The following ST8SIA5 variants were observed in gnomAD, a reference collection of about 807,000 sequenced individuals.
ST8SIA5 encodes the protein ST8 alpha-N-acetyl-neuraminide alpha-2,8-sialyltransferase 5, also known as alpha-2,8-sialyltransferase 8E.
A neutral mutation model predicts 40.2 loss-of-function variants in ST8SIA5; 24 were observed. That is an observed-to-expected ratio of 0.60 (90% confidence interval 0.43 to 0.84). The LOEUF is 0.84. Among genes scored for constraint, ST8SIA5 ranks in the 40% least tolerant of loss-of-function variants. ST8SIA5 has a pLI of 0.00. For synonymous variants in ST8SIA5, 198 were observed against 201.8 expected (o/e 0.98, Z 0.16); for missense variants, 465 against 498.5 (o/e 0.93, Z 0.64).
rs2039311698 is a variant in ST8SIA5, at chr18:46,671,981, G to C, written c.*8061C>G. On this transcript the variant is annotated 3_prime_UTR_variant, in exon 7 of 7. Transcript: ENST00000315087. ...AACTTGTTAGAGATGCTCCACCCTG[G>C]CCTCACCAAATAACTCTGGGGCGGG... 6.6e-6 allele frequency: 1 copy of C among 152,210 alleles called. No homozygotes were observed. Among genetic ancestry groups the C allele is most frequent in the Non-Finnish European group, 1.5e-5 (1 of 68,070 alleles). 9.4% of individuals were successfully genotyped at this position (152,210 alleles called of 1,614,324 possible).
At chr18:46,690,593 T>C (rs1182640824) in intron 3 of ST8SIA5, among the ~76,000 whole-genome samples, 3 of 150,758 alleles carry the variant, frequency 2.0e-5, no homozygotes, top group Non-Finnish European at 4.4e-5. Flanking sequence ...TCCTGAGATA[T>C]GTGAGTCCTG....
Position 46,671,693 on chromosome 18 carries a change from C to T in ST8SIA5, c.*8349G>A, listed in dbSNP as rs1599090886. On this transcript the variant is annotated 3_prime_UTR_variant, in exon 7 of 7. Transcript: ENST00000315087. ...TTAATTCAGGCAGACTCTGAGGCTC[C>T]TAGCCCCGGGAGAAGAAATCTATGT... 6.6e-6 allele frequency: 1 copy of T among 152,334 alleles called. No homozygotes were observed. The highest frequency in any genetic ancestry group is 1.9e-4 in the East Asian group (1 of 5,186). The allele number at this position is 152,334 out of a possible 1,614,324, so 9.4% of individuals were successfully genotyped here. A position where few individuals can be genotyped will look rare whatever the true frequency, so the allele number is the denominator to read the frequency against.
intron 1 of ST8SIA5, among the ~76,000 whole-genome samples, chr18:46,753,574 GAA>G (rs1160590072): frequency 2.6e-5 from 3 of 113,640 alleles, no homozygotes; most frequent in Admixed American, 1.9e-4. Context: ...CTCCATCTCA[GAA>G]AAAAAAAAAA....
At chr18:46,720,316 G>A (rs561716446) in intron 1 of ST8SIA5, among the ~76,000 whole-genome samples, 12 of 152,178 alleles carry the variant, frequency 7.9e-5, no homozygotes, top group African/African-American at 1.7e-4. Flanking sequence ...CACCTTACCC[G>A]TGATGTCCAG....
At chr18:46,683,930 A>T (rs771400775) in intron 5 of ST8SIA5, among the ~76,000 whole-genome samples, 4 of 152,204 alleles carry the variant, frequency 2.6e-5, no homozygotes, top group Non-Finnish European at 5.9e-5. Context: ...TGGTCAAGGC[A>T]GGGTGGAGGA....
At chr18:46,722,132 C>A (rs549255711) in intron 1 of ST8SIA5, among the ~76,000 whole-genome samples, 329 of 152,290 alleles carry the variant, frequency 2.2e-3, no homozygotes, top group Non-Finnish European at 3.8e-3. Flanking sequence ...TCGCAGTGAA[C>A]AACTCAGGAA....
chr18:46,688,873 T>C lies in ST8SIA5; in HGVS notation c.358A>G (p.Thr120Ala). 1 of 1,613,946 alleles carries C rather than the reference T, an allele frequency of 6.2e-7. No individual in the cohort carries two copies. The highest frequency in any genetic ancestry group is 2.2e-5 in the East Asian group (1 of 44,856). The stretch of plus-strand genomic sequence containing the variant: ...GTCCCCAGGGGAGTGTTCTTCTGGG[T>C]GGTGAAGAGAAAGGCAGGGGCGTTG... ...CCNAPAFLFT[T>A]QKNTPLGTKL... The change falls in exon 4 of 7, where the codon ACC (threonine) becomes GCC (alanine). Residue 120 changes from threonine to alanine, a missense_variant. By Grantham distance (58) the Thr-to-Ala change is moderately conservative. Coordinates refer to ENST00000315087, the MANE Select transcript of ST8SIA5 (RefSeq NM_013305.6).
At chr18:46,716,124 A>T (rs561545441) in intron 1 of ST8SIA5, among the ~76,000 whole-genome samples, 8 of 152,044 alleles carry the variant, frequency 5.3e-5, no homozygotes, top group Admixed American at 5.2e-4. Flanking sequence ...AGATAGATAG[A>T]TAGATAGATA....
At chr18:46,710,490 CCCCTT>C (rs528845646) in intron 1 of ST8SIA5, among the ~76,000 whole-genome samples, 58 of 144,256 alleles carry the variant, frequency 4.0e-4, no homozygotes, top group South Asian at 1.1e-3. Flanking sequence ...CCTTCCCCTT[CCCCTT>C]CCCTTCCCTT....
chr18:46,706,118 A>G (rs1358163938), intron 1 of ST8SIA5, among the ~76,000 whole-genome samples: 1 of 151,902 alleles, frequency 6.6e-6, no homozygotes, highest in Non-Finnish European at 1.5e-5. Flanking sequence ...TGTCCTTAAT[A>G]ATTTTAATAT....
intron 1 of ST8SIA5, among the ~76,000 whole-genome samples, chr18:46,725,421 C>T (rs1375003639): frequency 1.3e-5 from 2 of 152,116 alleles, no homozygotes; most frequent in Non-Finnish European, 2.9e-5. Flanking sequence ...ATCCTCCTAC[C>T]CATGGTGAGA....
intron 1 of ST8SIA5, among the ~76,000 whole-genome samples, chr18:46,714,616 C>T (rs1248820420): frequency 6.6e-6 from 1 of 152,098 alleles, no homozygotes; most frequent in Non-Finnish European, 1.5e-5. Flanking sequence ...GCTATCCCCC[C>T]ACGGAAGTGC....
chr18:46,680,422 T>C lies in ST8SIA5; in HGVS notation c.751A>G (p.Asn251Asp). 1.2e-6 allele frequency: 2 copies of C among 1,613,330 alleles called. No individual in the cohort carries two copies. Residue 251 changes from asparagine (N) to aspartate (D), a missense_variant, in exon 7 of 7, where the codon AAC (asparagine) becomes GAC (aspartate). By Grantham distance (23) the Asn-to-Asp change is conservative (BLOSUM62 1). Transcript: ENST00000315087. The stretch of plus-strand genomic sequence containing the variant: ...ATGGACACGTCGGTGTTGCGCGTGT[T>C]GTAGAAGGCAGGCAGCAGCACCGAC... ...NASVLLPAFY[N>D]TRNTDVSIRV...
chr18:46,709,474 G>A (rs2039701262), intron 1 of ST8SIA5, among the ~76,000 whole-genome samples: 1 of 152,196 alleles, frequency 6.6e-6, no homozygotes, highest in Admixed American at 6.5e-5. Context: ...AACTAAGATA[G>A]GAAATAAGAT....
Position 46,674,422 on chromosome 18 carries a change from C to G in ST8SIA5, c.*5620G>C, listed in dbSNP as rs914373604. ...ACAGGCAGGAGGAGTCTCTGCCTTC[C>G]TGGGATGTGCTAGGTAAAAAAATCA... On this transcript the variant is annotated 3_prime_UTR_variant, in exon 7 of 7. Transcript: ENST00000315087. 2.6e-5 allele frequency: 4 copies of G among 152,172 alleles called. No homozygotes were observed. Among genetic ancestry groups the G allele is most frequent in the African/African-American group, 7.2e-5 (3 of 41,436 alleles). The allele number at this position is 152,172 out of a possible 1,614,324, so 9.4% of individuals were successfully genotyped here. A position where few individuals can be genotyped will look rare whatever the true frequency, so the allele number is the denominator to read the frequency against.
At position 46,688,755 on chromosome 18, in the gene ST8SIA5, G is replaced by T; in HGVS notation, c.456+20C>A. On this transcript the variant is annotated intron_variant, in intron 4 of 6. Transcript: ENST00000315087. ...TTGGCTCCCTCGCCCCACCCAGACC[G>T]CCCCCGCCCAAAGCAGCACCTTGGG... 2 of 1,594,326 alleles carry T rather than the reference G, an allele frequency of 1.3e-6. No individual in the cohort carries two copies. The highest frequency in any genetic ancestry group is 1.7e-6 in the Non-Finnish European group (2 of 1,169,586).
intron 1 of ST8SIA5, among the ~76,000 whole-genome samples, chr18:46,707,147 C>T (rs908275620): frequency 1.3e-5 from 2 of 152,152 alleles, no homozygotes; most frequent in Non-Finnish European, 2.9e-5. Context: ...TCACAAAGAT[C>T]ACTGTTTGTA....
At chr18:46,724,705 G>C (rs1460891321) in intron 1 of ST8SIA5, among the ~76,000 whole-genome samples, 1 of 152,140 alleles carries the variant, frequency 6.6e-6, no homozygotes, top group Non-Finnish European at 1.5e-5. Context: ...CAAGCATGGT[G>C]GCTCACACCT....
intron 1 of ST8SIA5, among the ~76,000 whole-genome samples, chr18:46,725,972 AATATATATATATATATAT>A (rs1555696955): frequency 3.4e-5 from 1 of 29,092 alleles, no homozygotes; most frequent in South Asian, 1.4e-3. Flanking sequence ...AAAAAAAAAA[AATATATATATATATATAT>A]ATATATATAT....
Sources: allele counts gnomAD v4.1 joint callset (sites outside exome capture counted in the v4.1 genomes callset), GRCh38; gene constraint gnomAD v4.1.1; transcripts MANE v1.5; gene names NCBI Gene and HGNC (gene_info 2026-07-23, HGNC 2026-07-21).